The following PDE4D variants were observed in gnomAD, a reference collection of about 807,000 sequenced individuals.
PDE4D encodes the protein 3',5'-cyclic-AMP phosphodiesterase 4D.
PDE4D carries 24 observed loss-of-function variants against 87.4 expected under a neutral mutation model. The observed-to-expected ratio is 0.27, with a 90% confidence interval of 0.20 to 0.39. The LOEUF is 0.39. Among genes scored for constraint, PDE4D ranks in the 10% least tolerant of loss-of-function variants. PDE4D has a pLI of 1.00. For synonymous variants in PDE4D, 384 were observed against 383.2 expected (o/e 1.00, Z -0.02); for missense variants, 714 against 1,041.0 (o/e 0.69, Z 4.32).
intron 6 of PDE4D, among the ~76,000 whole-genome samples, chr5:59,016,906 C>CA (rs1036254060): frequency 8.6e-5 from 13 of 150,764 alleles, no homozygotes; most frequent in Middle Eastern, 3.4e-3. Flanking sequence ...AACAAGCAGA[C>CA]AAAAAAAAAT....
chr5:60,288,056 T>G (rs376071805), intron 1 of PDE4D, among the ~76,000 whole-genome samples: 1 of 152,366 alleles, frequency 6.6e-6, no homozygotes, highest in East Asian at 1.9e-4. Context: ...AAGATTCCAA[T>G]GTAACAAGGG....
intron 1 of PDE4D, among the ~76,000 whole-genome samples, chr5:59,242,032 G>C (rs1757789183): frequency 6.6e-6 from 1 of 151,964 alleles, no homozygotes; most frequent in African/African-American, 2.4e-5. Context: ...TCTCACACCA[G>C]GTATAGGAAA....
At chr5:59,115,008 T>C (rs1232650384) in intron 5 of PDE4D, among the ~76,000 whole-genome samples, 1 of 151,950 alleles carries the variant, frequency 6.6e-6, no homozygotes, top group Non-Finnish European at 1.5e-5. Flanking sequence ...ATTTTTTCCT[T>C]AGGAACTTCA....
chr5:59,694,851 T>C (rs918973067), intron 1 of PDE4D, among the ~76,000 whole-genome samples: 6 of 152,188 alleles, frequency 3.9e-5, no homozygotes, highest in African/African-American at 1.4e-4. Context: ...GTAACACACA[T>C]AACAGTCTAC....
intron 6 of PDE4D, among the ~76,000 whole-genome samples, chr5:59,014,725 T>C (rs993537312): frequency 6.6e-6 from 1 of 152,120 alleles, no homozygotes; most frequent in Non-Finnish European, 1.5e-5. Flanking sequence ...TTCAATGCCA[T>C]CCCCATCAAT....
intron 2 of PDE4D, among the ~76,000 whole-genome samples, chr5:60,089,869 A>G (rs1341010851): frequency 6.6e-6 from 1 of 151,838 alleles, no homozygotes; most frequent in Non-Finnish European, 1.5e-5. Context: ...CAAAAAAAAA[A>G]GCAACAGACA....
intron 1 of PDE4D, among the ~76,000 whole-genome samples, chr5:60,454,552 G>T (rs1746328513): frequency 6.6e-6 from 1 of 152,162 alleles, no homozygotes; most frequent in Non-Finnish European, 1.5e-5. Flanking sequence ...CACAGGAACA[G>T]ATAACCAAAC....
chr5:60,496,111 ATGG>A (rs1306484903), intron 1 of PDE4D, among the ~76,000 whole-genome samples: 2 of 152,118 alleles, frequency 1.3e-5, no homozygotes, highest in Non-Finnish European at 2.9e-5. Flanking sequence ...CCCTCTGCAG[ATGG>A]TTGCAGCTGA....
At chr5:60,515,139 TGTCA>T (rs1266902529) in intron 1 of PDE4D, among the ~76,000 whole-genome samples, 1 of 152,142 alleles carries the variant, frequency 6.6e-6, no homozygotes, top group Non-Finnish European at 1.5e-5. Flanking sequence ...TTTTTCTTTG[TGTCA>T]GTACCACACT....
At chr5:59,737,169 G>C (rs1269389940) in intron 1 of PDE4D, among the ~76,000 whole-genome samples, 3 of 152,082 alleles carry the variant, frequency 2.0e-5, no homozygotes, top group Non-Finnish European at 4.4e-5. Context: ...GTCTAATTGA[G>C]TACAATGACT....
intron 1 of PDE4D, among the ~76,000 whole-genome samples, chr5:60,517,525 G>C (rs1187971619): frequency 6.6e-6 from 1 of 152,204 alleles, no homozygotes. Context: ...GACTCAGCCA[G>C]ACTGGGCAGA....
At chr5:59,381,488 C>CT (rs926777683) in intron 1 of PDE4D, among the ~76,000 whole-genome samples, 6 of 130,968 alleles carry the variant, frequency 4.6e-5, no homozygotes, top group Non-Finnish European at 1.0e-4. Context: ...AAACATATAT[C>CT]TTTTTTTGAA....
At chr5:59,914,536 A>ATGTGTG (rs34257506) in intron 3 of PDE4D, among the ~76,000 whole-genome samples, 150 of 145,422 alleles carry the variant, frequency 1.0e-3, no homozygotes, top group African/African-American at 3.6e-3. Context: ...AGGAAGATGT[A>ATGTGTG]TGTGTGTGTG....
intron 1 of PDE4D, among the ~76,000 whole-genome samples, chr5:59,673,050 G>A (rs1747477186): frequency 6.6e-6 from 1 of 152,114 alleles, no homozygotes; most frequent in Non-Finnish European, 1.5e-5. Flanking sequence ...TTATAAACAT[G>A]AATCATACTC....
chr5:58,986,480 G>A (rs889016155), intron 11 of PDE4D, among the ~76,000 whole-genome samples: 22 of 152,170 alleles, frequency 1.4e-4, no homozygotes, highest in Non-Finnish European at 2.8e-4. Context: ...CACAGCAGGA[G>A]GTGAGCAGCA....
chr5:59,504,956 G>C (rs1228306440), intron 1 of PDE4D, among the ~76,000 whole-genome samples: 1 of 151,700 alleles, frequency 6.6e-6, no homozygotes, highest in Admixed American at 6.6e-5. Flanking sequence ...GCGTGTGTTT[G>C]TGTATGTGTG....
intron 2 of PDE4D, among the ~76,000 whole-genome samples, chr5:60,076,352 G>A (rs767149001): frequency 1.3e-5 from 2 of 152,110 alleles, no homozygotes; most frequent in African/African-American, 2.4e-5. Context: ...TAGAGATGGG[G>A]TTTCACCATG....
rs187397268 is a variant in PDE4D, at chr5:59,422,610, A to C, written c.456-206642T>G. Among the ~76,000 whole-genome samples, 174 of 152,358 alleles carry C rather than the reference A, an allele frequency of 1.1e-3. 1 individual carries two copies. The highest frequency in any genetic ancestry group is 3.8e-3 in the African/African-American group (156 of 41,592). ...CAAAGCCATGAAAAACTAAAAAGAA[A>C]GTTCCAAAGAATTATTAAGTAATTT... is the stretch of plus-strand genomic sequence containing the variant. On this transcript the variant is annotated intron_variant, in intron 1 of 14. Coordinates refer to ENST00000340635, the MANE Select transcript of PDE4D (RefSeq NM_001104631.2).
intron 3 of PDE4D, among the ~76,000 whole-genome samples, chr5:59,934,926 A>G (rs1756398024): frequency 6.6e-6 from 1 of 152,184 alleles, no homozygotes; most frequent in African/African-American, 2.4e-5. Flanking sequence ...AGTTGGAGAG[A>G]CGACAATTTT....
Sources: allele counts gnomAD v4.1 joint callset (sites outside exome capture counted in the v4.1 genomes callset), GRCh38; gene constraint gnomAD v4.1.1; transcripts MANE v1.5; gene names NCBI Gene and HGNC (gene_info 2026-07-23, HGNC 2026-07-21).